The following EPHA3 variants were observed in gnomAD, a reference collection of about 807,000 sequenced individuals.
The protein encoded by EPHA3 is EPH receptor A3.
EPHA3 carries 42 observed loss-of-function variants against 107.1 expected under a neutral mutation model. That is an observed-to-expected ratio of 0.39 (90% CI 0.31 to 0.51). The LOEUF is 0.51. Ranked by LOEUF, EPHA3 falls within the 20% of genes least tolerant of loss-of-function variation. The probability of loss-of-function intolerance (pLI) is 0.78; values close to 1 mark genes in which losing one functional copy is unlikely to be tolerated. For missense variants in EPHA3, 1,183 were observed against 1,211.2 expected (o/e 0.98, Z 0.35); for synonymous variants, 461 against 424.8 (o/e 1.09, Z -1.05).
chr3:89,262,493 A>G (rs1347777143), intron 3 of EPHA3, among the ~76,000 whole-genome samples: 2 of 152,198 alleles, frequency 1.3e-5, no homozygotes, highest in African/African-American at 4.8e-5. Context: ...CCTTATTCAC[A>G]GTGTGTGAGC....
chr3:89,466,847 C>A (rs1192059885), intron 15 of EPHA3, among the ~76,000 whole-genome samples: 1 of 93,384 alleles, frequency 1.1e-5, no homozygotes, highest in Admixed American at 1.0e-4. Flanking sequence ...GCCATCTTGG[C>A]TCCTCCCTCC....
chr3:89,315,053 A>C (rs542214383), intron 3 of EPHA3, among the ~76,000 whole-genome samples: 1 of 151,898 alleles, frequency 6.6e-6, no homozygotes, highest in Non-Finnish European at 1.5e-5. Context: ...GTATCTAAAC[A>C]TATCTAAACA....
chr3:89,395,171 G>T (rs1284110013), intron 5 of EPHA3, among the ~76,000 whole-genome samples: 1 of 152,134 alleles, frequency 6.6e-6, no homozygotes, highest in African/African-American at 2.4e-5. Context: ...CTAGGTAATT[G>T]TAACACATAT....
At chr3:89,286,247 A>G (rs1170314238) in intron 3 of EPHA3, among the ~76,000 whole-genome samples, 2 of 151,082 alleles carry the variant, frequency 1.3e-5, no homozygotes, top group African/African-American at 4.9e-5. Context: ...GTAGGGAGAG[A>G]GGAGTAGAGC....
intron 3 of EPHA3, among the ~76,000 whole-genome samples, chr3:89,323,657 G>T (rs1240664486): frequency 2.6e-5 from 4 of 151,884 alleles, no homozygotes; most frequent in Non-Finnish European, 4.4e-5. Flanking sequence ...CAAGTATCTG[G>T]TTCATAAAGA....
intron 3 of EPHA3, among the ~76,000 whole-genome samples, chr3:89,323,442 T>C (rs929111049): frequency 1.1e-4 from 16 of 152,120 alleles, no homozygotes; most frequent in Admixed American, 3.3e-4. Context: ...ACAATTAAAA[T>C]GTGCAGATCA....
chr3:89,300,338 T>C (rs1020171976), intron 3 of EPHA3, among the ~76,000 whole-genome samples: 75 of 152,190 alleles, frequency 4.9e-4, no homozygotes, highest in Admixed American at 1.6e-3. Flanking sequence ...ATCAAACTTA[T>C]ATGTAAAGTT....
At chr3:89,472,108 A>T (rs868862597) in intron 15 of EPHA3, among the ~76,000 whole-genome samples, 18 of 152,342 alleles carry the variant, frequency 1.2e-4, no homozygotes, top group African/African-American at 4.1e-4. Flanking sequence ...ACAGCAAAGA[A>T]TTCAGTGTGT....
chr3:89,108,803 A>G (rs758163334), intron 1 of EPHA3, among the ~76,000 whole-genome samples: 4 of 152,158 alleles, frequency 2.6e-5, no homozygotes, highest in Non-Finnish European at 5.9e-5. Context: ...CGTAAAACAA[A>G]CTTCTCTAAA....
rs1161017931 is a variant in EPHA3 at position 89,369,800 on chromosome 3, A to G, written c.1307-26037A>G. On this transcript the variant is annotated intron_variant, in intron 5 of 16. Coordinates refer to ENST00000336596, the MANE Select transcript of EPHA3 (RefSeq NM_005233.6). ...TCCAGAATCTACAATGAACTCAAAC[A>G]AATTTACAAGAAAAAAACAAACAAC... Among the ~76,000 whole-genome samples the G allele has an allele frequency of 2.0e-5, 3 of 149,972 alleles. No individual in the cohort carries two copies. In the East Asian group the frequency reaches 5.8e-4, roughly 29 times the overall value.
At chr3:89,193,341 G>A (rs1424822572) in intron 2 of EPHA3, among the ~76,000 whole-genome samples, 1 of 151,990 alleles carries the variant, frequency 6.6e-6, no homozygotes, top group Admixed American at 6.5e-5. Context: ...CCCACCAAAT[G>A]ATAGCGGCCT....
intron 6 of EPHA3, among the ~76,000 whole-genome samples, chr3:89,398,878 C>T (rs113746241): frequency 1.6e-4 from 25 of 152,058 alleles, no homozygotes; most frequent in African/African-American, 5.8e-4. Flanking sequence ...GCCTGTAATC[C>T]CAGCACTTTG....
chr3:89,118,323 G>A (rs1707302461), intron 1 of EPHA3, among the ~76,000 whole-genome samples: 1 of 151,800 alleles, frequency 6.6e-6, no homozygotes, highest in Admixed American at 6.6e-5. Context: ...AGATACAAGT[G>A]ATTTTCTTTG....
intron 3 of EPHA3, among the ~76,000 whole-genome samples, chr3:89,289,099 A>G (rs780504597): frequency 2.0e-5 from 3 of 152,128 alleles, no homozygotes; most frequent in Non-Finnish European, 4.4e-5. Context: ...TGTTACCTGG[A>G]TTTTACAAGC....
intron 3 of EPHA3, among the ~76,000 whole-genome samples, chr3:89,279,232 G>C (rs79918329): frequency 0.02 from 3,003 of 151,902 alleles, 58 homozygotes; most frequent in South Asian, 0.047. Context: ...ACCTCATTTA[G>C]GTAGGCAGAA....
At chr3:89,130,921 A>C (rs1036028514) in intron 2 of EPHA3, among the ~76,000 whole-genome samples, 9 of 152,106 alleles carry the variant, frequency 5.9e-5, no homozygotes, top group Non-Finnish European at 1.0e-4. Flanking sequence ...CAGGCGTGAG[A>C]CACCGCGCCC....
At chr3:89,324,784 G>T (rs1707128989) in intron 3 of EPHA3, among the ~76,000 whole-genome samples, 1 of 151,964 alleles carries the variant, frequency 6.6e-6, no homozygotes, top group Non-Finnish European at 1.5e-5. Context: ...TGAGATTTCG[G>T]ATATGAATGA....
Position 89,218,846 on chromosome 3 carries a change from A to C in EPHA3, c.814+8326A>C, listed in dbSNP as rs533802173. Among the ~76,000 whole-genome samples the C allele has an allele frequency of 5.0e-4, 76 of 152,280 alleles. 1 individual carries two copies. In the South Asian group the frequency reaches 7.7e-3, roughly 15 times the overall value. ...CAGGAAACAACAGGTGCTGGAGAGGATGTGGAGAAATAGGAACACTTTTAC... is the reference window on the plus strand; with the variant it reads ...CAGGAAACAACAGGTGCTGGAGAGGCTGTGGAGAAATAGGAACACTTTTAC... On this transcript the variant is annotated intron_variant, in intron 3 of 16. Transcript: ENST00000336596.
chr3:89,340,989 T>G lies in EPHA3; in HGVS notation c.888T>G (p.Thr296=). ...KCAKCPPHSS[T]QEDGSMNCRC... ...CTAAGTGCCCGCCTCACAGTTCTAC[T>G]CAGGAAGATGGTTCAATGAACTGCA... Residue 296 remains threonine, a synonymous_variant, in exon 4 of 17, where the codon ACT becomes ACG. Coordinates refer to ENST00000336596, the MANE Select transcript of EPHA3 (RefSeq NM_005233.6). The G allele has an allele frequency of 2.5e-6, 4 of 1,614,204 alleles. No homozygotes were observed. The highest frequency in any genetic ancestry group is 3.4e-6 in the Non-Finnish European group (4 of 1,180,026).
Sources: allele counts gnomAD v4.1 joint callset (sites outside exome capture counted in the v4.1 genomes callset), GRCh38; gene constraint gnomAD v4.1.1; transcripts MANE v1.5; gene names NCBI Gene and HGNC (gene_info 2026-07-23, HGNC 2026-07-21).